The following SUGT1 variants were observed in gnomAD, a reference collection of about 807,000 sequenced individuals.
SUGT1 encodes SGT1 assembly cochaperone of MIS12 kinetochore complex, also known as protein SGT1 homolog.
SUGT1 carries 15 observed loss-of-function variants against 56.1 expected under a neutral mutation model. The ratio of observed to expected loss-of-function variants is 0.27; its 90% CI spans 0.18 to 0.41. The LOEUF is 0.41. Among genes scored for constraint, SUGT1 ranks in the 10% least tolerant of loss-of-function variants. The pLI is 1.00. For synonymous variants in SUGT1, 123 were observed against 128.6 expected (o/e 0.96, Z 0.30); for missense variants, 347 against 382.2 (o/e 0.91, Z 0.77).
At chr13:52,666,048 T>C (rs9526968) in intron 9 of SUGT1, among the ~76,000 whole-genome samples, 53,835 of 152,154 alleles carry the variant, frequency 0.35, 10,367 homozygotes, top group Admixed American at 0.46. Context: ...TGATCACACA[T>C]GTCTTAGAAT....
At chr13:52,680,261 A>G in intron 12 of SUGT1, 106 bp downstream of exon 12, 1 of 1,057,422 alleles carries the variant, frequency 9.5e-7, no homozygotes, top group South Asian at 1.8e-5. Context: ...AGCTGGGAGA[A>G]CTTTTTGAAT....
At position 52,689,043 on chromosome 13, in the gene SUGT1, G is replaced by GCA. The variant is rs949967129; in HGVS notation, c.*1210_*1211dup. On this transcript the variant is annotated 3_prime_UTR_variant, in exon 13 of 13. Coordinates refer to ENST00000310528, the MANE Select transcript of SUGT1 (RefSeq NM_006704.5). ...GTGTCACTAACATTTTTATGGCAAA[G>GCA]CACTACTCTATACCCTCAGAGCAGG... 1 of 152,140 alleles carries GCA rather than the reference G, an allele frequency of 6.6e-6. No individual in the cohort carries two copies. The highest frequency in any genetic ancestry group is 2.4e-5 in the African/African-American group (1 of 41,434). 9.4% of individuals were successfully genotyped at this position (152,140 alleles called of 1,614,324 possible). A position where few individuals can be genotyped will look rare whatever the true frequency, so the allele number is the denominator to read the frequency against.
intron 10 of SUGT1, 38 bp from the exon 11 acceptor site, chr13:52,676,192 T>A (rs1400265007): frequency 6.5e-7 from 1 of 1,542,308 alleles, no homozygotes; most frequent in African/African-American, 1.4e-5. Context: ...TTGTGTATTT[T>A]ACGTCGAGTA....
chr13:52,684,066 A>G (rs769299784), intron 12 of SUGT1, among the ~76,000 whole-genome samples: 1 of 151,788 alleles, frequency 6.6e-6, no homozygotes, highest in Non-Finnish European at 1.5e-5. Flanking sequence ...AATTTAATTT[A>G]ATTTTATTTT....
At chr13:52,661,290 G>GT (rs931735203) in intron 5 of SUGT1, among the ~76,000 whole-genome samples, 5 of 146,816 alleles carry the variant, frequency 3.4e-5, no homozygotes, top group Admixed American at 6.8e-5. Context: ...GTTTTTTGGG[G>GT]TTTTTTTTTG....
intron 8 of SUGT1, 149 bp from the exon 9 acceptor site, chr13:52,665,488 A>T (rs1962657596): frequency 5.3e-6 from 3 of 565,216 alleles, no homozygotes; most frequent in Non-Finnish European, 9.0e-6. Context: ...AAAACTAGTT[A>T]TATAAAGTTG....
chr13:52,677,761 A>G (rs1251376207), intron 11 of SUGT1, among the ~76,000 whole-genome samples: 1 of 132,172 alleles, frequency 7.6e-6, no homozygotes, highest in Non-Finnish European at 1.6e-5. Flanking sequence ...CTAACAATGG[A>G]AACAGTCTTT....
rs60107053 is a variant in SUGT1 at position 52,696,914 on chromosome 13, C to CTTTT, written c.*9096_*9099dup. On this transcript the variant is annotated 3_prime_UTR_variant, in exon 13 of 13. Transcript: ENST00000310528. ...TCAAAACCAGTGTGATATCCAAGTA[C>CTTTT]TTTTTTTTTTTTTTTTTTTTGCTAT... The CTTTT allele has an allele frequency of 2.8e-5, 3 of 108,784 alleles. No homozygotes were observed. Among genetic ancestry groups the CTTTT allele is most frequent in the African/African-American group, 1.1e-4 (3 of 28,556 alleles). 6.7% of individuals were successfully genotyped at this position (108,784 alleles called of 1,614,324 possible).
chr13:52,678,213 T>C (rs1279910349), intron 11 of SUGT1, among the ~76,000 whole-genome samples: 1 of 152,108 alleles, frequency 6.6e-6, no homozygotes, highest in African/African-American at 2.4e-5. Flanking sequence ...CTAGTGAAAA[T>C]GTACAAAGAT....
chr13:52,684,061 A>T (rs1167569737), intron 12 of SUGT1, among the ~76,000 whole-genome samples: 1 of 151,622 alleles, frequency 6.6e-6, no homozygotes, highest in Non-Finnish European at 1.5e-5. Flanking sequence ...ATTTTAATTT[A>T]ATTTAATTTT....
Position 52,695,155 on chromosome 13 carries a change from T to C in SUGT1, c.*7320T>C, listed in dbSNP as rs1261764841. 1 of 152,250 alleles carries C rather than the reference T, an allele frequency of 6.6e-6. No individual in the cohort carries two copies. Among genetic ancestry groups the C allele is most frequent in the East Asian group, 1.9e-4 (1 of 5,204 alleles). The allele number at this position is 152,250 out of a possible 1,614,324, so 9.4% of individuals were successfully genotyped here. Reference sequence around the variant, plus strand: ...GATTATCTGTTTTCTAAACTTTTTCTGTGGCTTGAAGTGACTGAAAGTGAA... The same window carrying C: ...GATTATCTGTTTTCTAAACTTTTTCCGTGGCTTGAAGTGACTGAAAGTGAA... On this transcript the variant is annotated 3_prime_UTR_variant, in exon 13 of 13. Coordinates refer to ENST00000310528, the MANE Select transcript of SUGT1 (RefSeq NM_006704.5).
At position 52,652,949 on chromosome 13, in the gene SUGT1, C is replaced by T. The variant is rs1961974319; in HGVS notation, c.29C>T (p.Thr10Ile). 3 of 1,614,226 alleles carry T rather than the reference C, an allele frequency of 1.9e-6. No homozygotes were observed. The highest frequency in any genetic ancestry group is 1.3e-5 in the African/African-American group (1 of 75,066). The stretch of plus-strand genomic sequence containing the variant: ...GCGGCGGCTGCAGCAGGAACTGCAA[C>T]ATCCCAGAGGTGCATGTTTTTCTTT... MAAAAAGTA[T>I]SQRFFQSFSD... Residue 10 changes from threonine (T) to isoleucine (I), a missense_variant, in exon 1 of 13, where the codon ACA becomes ATA. By Grantham distance (89) the Thr-to-Ile change is moderately conservative. Coordinates refer to ENST00000310528, the MANE Select transcript of SUGT1 (RefSeq NM_006704.5).
intron 10 of SUGT1, among the ~76,000 whole-genome samples, chr13:52,669,723 G>A (rs547735016): frequency 7.9e-5 from 12 of 151,956 alleles, no homozygotes; most frequent in Non-Finnish European, 1.3e-4. Context: ...ATATATATAT[G>A]TGCACACACA....
intron 11 of SUGT1, among the ~76,000 whole-genome samples, chr13:52,676,871 T>C (rs928032731): frequency 3.9e-5 from 6 of 152,204 alleles, no homozygotes; most frequent in Non-Finnish European, 8.8e-5. Context: ...ATTGTATATA[T>C]AACCCTGTAA....
chr13:52,658,577 A>G (rs955024999), intron 4 of SUGT1, 109 bp downstream of exon 4: 8 of 996,800 alleles, frequency 8.0e-6, no homozygotes, highest in Non-Finnish European at 1.2e-5. Flanking sequence ...CTGTATTTAT[A>G]CATTATATAG....
chr13:52,697,768 A>T lies in SUGT1; in HGVS notation c.*9933A>T, dbSNP rs747537873. 11 of 152,232 alleles carry T rather than the reference A, an allele frequency of 7.2e-5. No individual in the cohort carries two copies. Among genetic ancestry groups the T allele is most frequent in the Non-Finnish European group, 1.6e-4 (11 of 68,040 alleles). 9.4% of individuals were successfully genotyped at this position (152,232 alleles called of 1,614,324 possible). On this transcript the variant is annotated 3_prime_UTR_variant, in exon 13 of 13. Coordinates refer to ENST00000310528, the MANE Select transcript of SUGT1 (RefSeq NM_006704.5). ...AGGTATCTGAAAAAGAACTTGGTTC[A>T]TGACATCCACTCATTCATTTATGCA...
rs1157459314 is a variant in SUGT1, at chr13:52,693,605, A to T, written c.*5770A>T. 6.6e-6 allele frequency: 1 copy of T among 152,092 alleles called. No individual in the cohort carries two copies. Among genetic ancestry groups the T allele is most frequent in the African/African-American group, 2.4e-5 (1 of 41,402 alleles). 9.4% of individuals were successfully genotyped at this position (152,092 alleles called of 1,614,324 possible). A position where few individuals can be genotyped will look rare whatever the true frequency, so the allele number is the denominator to read the frequency against. ...TCTCTGTGCCTCAGTTTTTGTGTCT[A>T]TGTAAAGGAGATAATAGGATCCCCC... On this transcript the variant is annotated 3_prime_UTR_variant, in exon 13 of 13. Transcript: ENST00000310528.
chr13:52,656,015 G>C (rs1479262713), intron 2 of SUGT1, among the ~76,000 whole-genome samples: 1 of 152,120 alleles, frequency 6.6e-6, no homozygotes, highest in African/African-American at 2.4e-5. Flanking sequence ...AAGCTGAAAG[G>C]CCTGGTTATT....
At chr13:52,671,714 G>A (rs1029620153) in intron 10 of SUGT1, among the ~76,000 whole-genome samples, 1 of 152,112 alleles carries the variant, frequency 6.6e-6, no homozygotes, top group African/African-American at 2.4e-5. Flanking sequence ...ATCTTCTTGA[G>A]AACCCTAAAT....
Sources: gnomAD v4.1 joint callset for allele counts (sites outside exome capture counted in the v4.1 genomes callset) on GRCh38, gnomAD v4.1.1 for gene constraint, MANE v1.5 for transcripts, NCBI Gene and HGNC (gene_info 2026-07-23, HGNC 2026-07-21) for gene names.